Variants in FHAD1 observed in about 807,000 individuals in gnomAD.
The protein encoded by FHAD1 is forkhead-associated domain-containing protein 1.
FHAD1 carries 146 observed loss-of-function variants against 191.3 expected under a neutral mutation model. The observed-to-expected ratio is 0.76, with a 90% CI of 0.67 to 0.88. The LOEUF (loss-of-function observed/expected upper bound fraction) is 0.88, where lower values mean the gene tolerates loss of function less well. Among genes scored for constraint, FHAD1 ranks in the 40% least tolerant of loss-of-function variants. The pLI, the probability that FHAD1 is intolerant of heterozygous loss-of-function variation, is 0.00. For missense variants in FHAD1, 1,635 were observed against 1,785.8 expected (o/e 0.92, Z 1.52); for synonymous variants, 616 against 672.3 (o/e 0.92, Z 1.29).
Position 15,316,312 on chromosome 1 carries a change from C to G in FHAD1, c.1171-66C>G, listed in dbSNP as rs1674429326. 1.5e-6 allele frequency: 2 copies of G among 1,328,870 alleles called. No individual in the cohort carries two copies. Among genetic ancestry groups the G allele is most frequent in the South Asian group, 2.5e-5 (2 of 79,146 alleles). The allele number at this position is 1,328,870 out of a possible 1,614,324, so 82.3% of individuals were successfully genotyped here. A position where few individuals can be genotyped will look rare whatever the true frequency, so the allele number is the denominator to read the frequency against. ...GGGCTCACATGGGGCCTTGGAGCCCCTCCTTCCCCCGACAACCCTACCTGG... is the reference window on the plus strand; with the variant it reads ...GGGCTCACATGGGGCCTTGGAGCCCGTCCTTCCCCCGACAACCCTACCTGG... On this transcript the variant is annotated intron_variant, in intron 8 of 33. Transcript: ENST00000688493. This position sits in a 1 kb window ranked among gnomAD's most constrained non-coding sequence, Gnocchi z 4.3.
intron 2 of FHAD1, among the ~76,000 whole-genome samples, chr1:15,267,951 AT>A (rs1184483101): frequency 2.4e-5 from 2 of 84,668 alleles, no homozygotes; most frequent in Admixed American, 1.2e-4. Flanking sequence ...AATATAAAAA[AT>A]ATATATATAT....
At chr1:15,377,155 A>G (rs1699863537) in intron 28 of FHAD1, among the ~76,000 whole-genome samples, 1 of 152,248 alleles carries the variant, frequency 6.6e-6, no homozygotes, top group South Asian at 2.1e-4. Context: ...GTGCTGCCGC[A>G]GCTGGATCCA....
In FHAD1 at chr1:15,327,222, A is replaced by G. The variant is rs1056959908; in HGVS notation, c.1557+80A>G. 1 of 916,456 alleles carries G rather than the reference A, an allele frequency of 1.1e-6. No homozygotes were observed. The highest frequency in any genetic ancestry group is 1.7e-5 in the African/African-American group (1 of 59,654). 56.8% of individuals were successfully genotyped at this position (916,456 alleles called of 1,614,324 possible). A position where few individuals can be genotyped will look rare whatever the true frequency, so the allele number is the denominator to read the frequency against. On this transcript the variant is annotated intron_variant, in intron 12 of 33. Transcript: ENST00000688493. This position sits in a 1 kb window ranked among gnomAD's most constrained non-coding sequence, Gnocchi z 5.1. The stretch of plus-strand genomic sequence containing the variant: ...GTGGATCTGGATTCCAGACCCTGGG[A>G]GCATATGTTTCTGTTTTTGTTGGTG...
At chr1:15,242,978 C>A (rs1557891272), upstream of FHAD1, among the ~76,000 whole-genome samples, 1 of 152,100 alleles carries the variant, frequency 6.6e-6, no homozygotes, top group Non-Finnish European at 1.5e-5. Context: ...CAAAATACAA[C>A]AAAAACCAGG....
At chr1:15,400,871 A>G (rs1398653832), downstream of FHAD1, among the ~76,000 whole-genome samples, 4 of 152,220 alleles carry the variant, frequency 2.6e-5, no homozygotes, top group East Asian at 1.9e-4. Flanking sequence ...TCAAGTTTCT[A>G]CTTGCCTTAT....
chr1:15,324,544 G>A lies in FHAD1; in HGVS notation c.1458G>A (p.Glu486=), dbSNP rs1239877303. Residue 486 remains glutamate (E), a synonymous_variant, in exon 11 of 34, where the codon GAG becomes GAA. Coordinates refer to ENST00000688493, the MANE Select transcript of FHAD1 (RefSeq NM_001391957.1). ...NRESVIKINL[E]RAVGQLEHFR... ...AGAGCGTCATTAAAATCAATTTGGA[G>A]AGGGCAGTAGGTCAGGTAGGCATGT... The A allele has an allele frequency of 6.4e-7, 1 of 1,551,386 alleles. No homozygotes were observed. The highest frequency in any genetic ancestry group is 2.4e-5 in the East Asian group (1 of 40,930).
rs1679765247 is a variant in FHAD1, at chr1:15,328,413, C to T, written c.1694C>T (p.Ser565Leu). The change falls in exon 13 of 34, where the codon TCG becomes TTG. Residue 565 changes from serine to leucine, a missense_variant. Transcript: ENST00000688493. ...GAGAACATCGAGAAGCTGAGGACGT[C>T]GCTGGACAGCTGCCAGGTGGCCCCT... is the stretch of plus-strand genomic sequence containing the variant. ...TTENIEKLRT[S>L]LDSCQACMKI... 13 of 1,525,676 alleles carry T rather than the reference C, an allele frequency of 8.5e-6. No homozygotes were observed. The highest frequency in any genetic ancestry group is 2.5e-5 in the South Asian group (2 of 80,438). 94.5% of individuals were successfully genotyped at this position (1,525,676 alleles called of 1,614,324 possible).
chr1:15,380,646 A>G, intron 28 of FHAD1, 55 bp from the exon 29 acceptor site: 3 of 1,404,228 alleles, frequency 2.1e-6, no homozygotes, highest in South Asian at 1.2e-5. Flanking sequence ...GCTTCCAGTC[A>G]TAGAAAGTCA....
chr1:15,289,799 A>G lies in FHAD1; in HGVS notation c.568+133A>G. On this transcript the variant is annotated intron_variant, in intron 4 of 33. Transcript: ENST00000688493. This position sits in a 1 kb window ranked among gnomAD's most constrained non-coding sequence, Gnocchi z 4.2. The stretch of plus-strand genomic sequence containing the variant: ...TAAAAAATGAAAATAAATTCAGGAT[A>G]AGCAGAAAGTAAGAAAACAGTTAAA... The G allele has an allele frequency of 5.9e-6, 8 of 1,364,000 alleles. No individual in the cohort carries two copies. Among genetic ancestry groups the G allele is most frequent in the Non-Finnish European group, 6.8e-6 (7 of 1,031,984 alleles). 84.5% of individuals were successfully genotyped at this position (1,364,000 alleles called of 1,614,324 possible).
rs1680245652 is a variant in FHAD1 at position 15,329,257 on chromosome 1, A to G, written c.1711-89A>G. 1 of 1,094,682 alleles carries G rather than the reference A, an allele frequency of 9.1e-7. No homozygotes were observed. Among genetic ancestry groups the G allele is most frequent in the Admixed American group, 3.0e-5 (1 of 33,520 alleles). The allele number at this position is 1,094,682 out of a possible 1,614,324, so 67.8% of individuals were successfully genotyped here. On this transcript the variant is annotated intron_variant, in intron 13 of 33. Coordinates refer to ENST00000688493, the MANE Select transcript of FHAD1 (RefSeq NM_001391957.1). The surrounding 1 kb of genome is among the most constrained non-coding windows in gnomAD (Gnocchi z 5.0). Reference sequence around the variant, plus strand: ...TACGTGGCGCTGCCTGCTTCGTGGCAGAGTCAAGAACGCTGTTCCTCGAAG... The same window carrying G: ...TACGTGGCGCTGCCTGCTTCGTGGCGGAGTCAAGAACGCTGTTCCTCGAAG...
In FHAD1 at chr1:15,370,801, A is replaced by G. The variant is rs1348445830; in HGVS notation, c.3447+1299A>G. On this transcript the variant is annotated intron_variant, in intron 26 of 33. Coordinates refer to ENST00000688493, the MANE Select transcript of FHAD1 (RefSeq NM_001391957.1). ...CCCTGGTTTCCTGGAGCCTGGGGCT[A>G]TTCTTTCCCCAGGGCTTTTTGAGCC... Among the ~76,000 whole-genome samples the G allele has an allele frequency of 2.0e-5, 3 of 152,168 alleles. No individual in the cohort carries two copies. In the East Asian group the frequency reaches 5.8e-4, roughly 29 times the overall value.
chr1:15,294,489 G>C, intron 4 of FHAD1, among the ~76,000 whole-genome samples: 1 of 152,104 alleles, frequency 6.6e-6, no homozygotes, highest in Non-Finnish European at 1.5e-5. Flanking sequence ...TACCTCCCGG[G>C]TTCAAGCGAT....
At chr1:15,386,648 CT>C (rs1702155246) in intron 31 of FHAD1, among the ~76,000 whole-genome samples, 1 of 152,230 alleles carries the variant, frequency 6.6e-6, no homozygotes, top group South Asian at 2.1e-4. Flanking sequence ...TTGGCCACAG[CT>C]TTGCCACGCG....
Position 15,247,397 on chromosome 1 carries a change from T to G in FHAD1, c.-15+2T>G. 4.9e-6 allele frequency: 1 copy of G among 202,758 alleles called. No homozygotes were observed. The highest frequency in any genetic ancestry group is 1.1e-5 in the Non-Finnish European group (1 of 93,134). The allele number at this position is 202,758 out of a possible 1,614,324, so 12.6% of individuals were successfully genotyped here. A position where few individuals can be genotyped will look rare whatever the true frequency, so the allele number is the denominator to read the frequency against. On this transcript the variant is annotated splice_donor_variant, in intron 1 of 33. Coordinates refer to ENST00000688493, the MANE Select transcript of FHAD1 (RefSeq NM_001391957.1). LOFTEE classifies it low-confidence loss of function (5UTR_SPLICE). Reference sequence around the variant, plus strand: ...GCGTGGGCTTCCTCCTCCCGCCAGGTGAGTGCGGCGCGGGAAGGGGTGGCG... The same window carrying G: ...GCGTGGGCTTCCTCCTCCCGCCAGGGGAGTGCGGCGCGGGAAGGGGTGGCG...
chr1:15,319,510 C>A (rs747047042), intron 10 of FHAD1, among the ~76,000 whole-genome samples: 155 of 152,244 alleles, frequency 1.0e-3, no homozygotes, highest in Non-Finnish European at 1.7e-3. Flanking sequence ...CCTGTAATCC[C>A]AGCACTTTGG....
intron 1 of FHAD1, among the ~76,000 whole-genome samples, chr1:15,238,539 C>A (rs1403234370): frequency 6.6e-6 from 1 of 152,140 alleles, no homozygotes; most frequent in Non-Finnish European, 1.5e-5. Context: ...CTAGATGTGC[C>A]AAAAGAGCCA....
intron 23 of FHAD1, among the ~76,000 whole-genome samples, chr1:15,365,317 G>A (rs1401822483): frequency 1.3e-5 from 2 of 152,032 alleles, no homozygotes; most frequent in East Asian, 3.9e-4. Context: ...TTCTATCTCA[G>A]TGGATTTTCT....
Position 15,381,160 on chromosome 1 carries a change from C to T in FHAD1, c.3802-71C>T. On this transcript the variant is annotated intron_variant, in intron 29 of 33. Coordinates refer to ENST00000688493, the MANE Select transcript of FHAD1 (RefSeq NM_001391957.1). The surrounding 1 kb of genome is among the most constrained non-coding windows in gnomAD (Gnocchi z 4.6). ...AGAAAGTGAATGAAACAGAATTAGA[C>T]ATTGGCCTCCTTAAAGCGGCCACCA... The T allele has an allele frequency of 2.0e-6, 2 of 975,980 alleles. No homozygotes were observed. The highest frequency in any genetic ancestry group is 3.1e-6 in the Non-Finnish European group (2 of 640,104). 60.5% of individuals were successfully genotyped at this position (975,980 alleles called of 1,614,324 possible). A position where few individuals can be genotyped will look rare whatever the true frequency, so the allele number is the denominator to read the frequency against.
At chr1:15,315,784 C>G (rs1674244238) in intron 8 of FHAD1, among the ~76,000 whole-genome samples, 1 of 152,116 alleles carries the variant, frequency 6.6e-6, no homozygotes, top group Non-Finnish European at 1.5e-5. Context: ...CCGCGCCCAG[C>G]CGGGTATTTC....
Sources: gnomAD v4.1 joint callset for allele counts (sites outside exome capture counted in the v4.1 genomes callset) on GRCh38, gnomAD v4.1.1 for gene constraint, Gnocchi (gnomAD v3.1) non-coding constraint, MANE v1.5 for transcripts, NCBI Gene and HGNC (gene_info 2026-07-23, HGNC 2026-07-21) for gene names.